The following GNB1L variants were observed in gnomAD, a reference collection of about 807,000 sequenced individuals.
The protein encoded by GNB1L is guanine nucleotide-binding protein subunit beta-like protein 1.
In GNB1L, 20 loss-of-function variants were observed where a neutral mutation model predicts 29.1. The ratio of observed to expected loss-of-function variants is 0.69; its 90% CI spans 0.48 to 1.00. The LOEUF is 1.00. Among genes scored for constraint, GNB1L ranks in the 50% least tolerant of loss-of-function variants. The pLI is 0.00. For synonymous variants in GNB1L, 193 were observed against 206.5 expected (o/e 0.93, Z 0.56); for missense variants, 421 against 464.9 (o/e 0.91, Z 0.87).
At chr22:19,829,260 G>A (rs1256095903) in intron 2 of GNB1L, among the ~76,000 whole-genome samples, 4 of 152,180 alleles carry the variant, frequency 2.6e-5, no homozygotes, top group Non-Finnish European at 5.9e-5. Context: ...TCATAACAGA[G>A]CCTACCTCTT....
In GNB1L at chr22:19,807,331, G is replaced by A. The variant is rs148789559; in HGVS notation, c.418-574C>T. 1.3e-3 allele frequency among the ~76,000 whole-genome samples: 197 copies of A among 151,510 alleles called. 1 individual carries two copies. The highest frequency in any genetic ancestry group is 4.5e-3 in the African/African-American group (187 of 41,250). On this transcript the variant is annotated intron_variant, in intron 5 of 7. Coordinates refer to ENST00000329517, the MANE Select transcript of GNB1L (RefSeq NM_053004.3). ...ATGCCGGCTTGTGGGGTGTAGGCTC[G>A]CTGGTCACACATCTCCTGAACAGCC...
intron 4 of GNB1L, among the ~76,000 whole-genome samples, chr22:19,813,881 G>A (rs1601331989): frequency 6.6e-6 from 1 of 151,916 alleles, no homozygotes; most frequent in Non-Finnish European, 1.5e-5. Context: ...CTGTAGTCCC[G>A]GCTACTCAGG....
Position 19,802,214 on chromosome 22 carries a change from G to T in GNB1L, c.519C>A (p.Ala173=). 1 of 1,612,090 alleles carries T rather than the reference G, an allele frequency of 6.2e-7. No homozygotes were observed. Among genetic ancestry groups the T allele is most frequent in the South Asian group, 1.1e-5 (1 of 91,082 alleles). ...GAAGGAGTGGGCGGGAGCTGCAGTC[G>T]GCCTGCGGGGAACAGCAGAGCAGTC... The part of the protein sequence containing the change: ...GMPMCLRLWQ[A]DCSSRPLLLA... Residue 173 remains alanine (A), a splice_region_variant and synonymous_variant, in exon 7 of 8, where the codon GCC becomes GCA. Transcript: ENST00000329517.
At chr22:19,822,975 A>G (rs1052104379) in intron 2 of GNB1L, among the ~76,000 whole-genome samples, 7 of 152,086 alleles carry the variant, frequency 4.6e-5, no homozygotes, top group Non-Finnish European at 1.0e-4. Context: ...TGTCCTGCAG[A>G]GTGGAGGGTG....
At chr22:19,835,035 A>G (rs944478272) in intron 2 of GNB1L, among the ~76,000 whole-genome samples, 3 of 152,242 alleles carry the variant, frequency 2.0e-5, no homozygotes, top group Non-Finnish European at 2.9e-5. Flanking sequence ...AGAAGATACA[A>G]TGATAAATGG....
rs766627090 is a variant in GNB1L, at chr22:19,788,611, C to T, written c.*98G>A. On this transcript the variant is annotated 3_prime_UTR_variant, in exon 8 of 8. Coordinates refer to ENST00000329517, the MANE Select transcript of GNB1L (RefSeq NM_053004.3). ...TCCATGGTCCTTGGGCCATGACTTG[C>T]TGGTCCTCAGAGGCCCTTGAGGTTT... 3.4e-6 allele frequency: 5 copies of T among 1,451,958 alleles called. No homozygotes were observed. The highest frequency in any genetic ancestry group is 4.8e-6 in the Non-Finnish European group (5 of 1,033,342). 89.9% of individuals were successfully genotyped at this position (1,451,958 alleles called of 1,614,324 possible). A position where few individuals can be genotyped will look rare whatever the true frequency, so the allele number is the denominator to read the frequency against.
intron 2 of GNB1L, chr22:19,847,940 G>A (rs546789419): frequency 2.0e-6 from 2 of 985,012 alleles, no homozygotes; most frequent in Non-Finnish European, 2.4e-6. Flanking sequence ...TTTCCAGAGG[G>A]CCAACTGCTT....
chr22:19,806,253 A>AAAGCGGGGGCCGTGCAGGC (rs1937432615), intron 6 of GNB1L, among the ~76,000 whole-genome samples: 1 of 152,250 alleles, frequency 6.6e-6, no homozygotes, highest in Admixed American at 6.5e-5. Context: ...AATCCTAAGC[A>AAAGCGGGGGCCGTGCAGGC]AAGCGGGGGC....
chr22:19,812,330 G>C lies in GNB1L; in HGVS notation c.372C>G (p.Gly124=), dbSNP rs757679583. 3.1e-6 allele frequency: 5 copies of C among 1,612,906 alleles called. No individual in the cohort carries two copies. Among genetic ancestry groups the C allele is most frequent in the Non-Finnish European group, 8.5e-7 (1 of 1,179,920 alleles). The part of the protein sequence containing the change: ...GFCRSSILAG[G]QPRWTLAVPG... ...GCACGGCAAGCGTCCAGCGTGGCTG[G>C]CCCCCGGCCAGGATGCTGCTCCGGC... Residue 124 remains glycine (G), a synonymous_variant, in exon 5 of 8, where the codon GGC becomes GGG. Transcript: ENST00000329517.
chr22:19,842,364 T>C (rs1296844357), intron 2 of GNB1L, among the ~76,000 whole-genome samples: 2 of 152,218 alleles, frequency 1.3e-5, no homozygotes, highest in Non-Finnish European at 2.9e-5. Flanking sequence ...ATCTCTGAAA[T>C]GCAGGGAGAT....
At chr22:19,805,299 G>A (rs1276079864) in intron 6 of GNB1L, among the ~76,000 whole-genome samples, 1 of 152,240 alleles carries the variant, frequency 6.6e-6, no homozygotes, top group Non-Finnish European at 1.5e-5. Context: ...GTCACGTGGA[G>A]AGAGAGAAAA....
rs185550106 is a variant in GNB1L, at chr22:19,817,509, A to G, written c.254+3089T>C. 3.8e-3 allele frequency among the ~76,000 whole-genome samples: 579 copies of G among 152,332 alleles called. 4 individuals are homozygous for G. The highest frequency in any genetic ancestry group is 0.013 in the African/African-American group (546 of 41,566). On this transcript the variant is annotated intron_variant, in intron 4 of 7. Coordinates refer to ENST00000329517, the MANE Select transcript of GNB1L (RefSeq NM_053004.3). Reference sequence around the variant, plus strand: ...AAAGAAAAAAAAACGTAAGAAAAAGAAAACAGCGACAGCTGACTGCAGCTA... The same window carrying G: ...AAAGAAAAAAAAACGTAAGAAAAAGGAAACAGCGACAGCTGACTGCAGCTA...
At chr22:19,847,315 T>C in intron 2 of GNB1L, 1 of 985,400 alleles carries the variant, frequency 1.0e-6, no homozygotes, top group African/African-American at 1.7e-5. Flanking sequence ...ATCTGGCTCA[T>C]GCTGACTGAT....
At chr22:19,852,378 C>T in intron 2 of GNB1L, 1 of 1,112,598 alleles carries the variant, frequency 9.0e-7, no homozygotes, top group Non-Finnish European at 1.3e-6. Flanking sequence ...CGTGGCAGAC[C>T]CGCACTGGTC....
intron 2 of GNB1L, among the ~76,000 whole-genome samples, chr22:19,827,435 G>A (rs1937628065): frequency 6.6e-6 from 1 of 152,170 alleles, no homozygotes; most frequent in Non-Finnish European, 1.5e-5. Context: ...GCATGCCAGA[G>A]GGGTGGAGAA....
At chr22:19,806,830 A>C (rs1370286633) in intron 5 of GNB1L, 73 bp from the exon 6 acceptor site, 1 of 1,086,644 alleles carries the variant, frequency 9.2e-7, no homozygotes, top group African/African-American at 1.5e-5. Flanking sequence ...AGAGACTCTT[A>C]AGGCGATTAG....
intron 2 of GNB1L, chr22:19,851,513 G>A: frequency 6.2e-7 from 1 of 1,614,150 alleles, no homozygotes; most frequent in Non-Finnish European, 8.5e-7. Flanking sequence ...AGCACTTCTA[G>A]ATACAGAGTT....
intron 2 of GNB1L, among the ~76,000 whole-genome samples, chr22:19,840,053 GAT>G (rs1038796559): frequency 7.3e-6 from 1 of 137,170 alleles, no homozygotes; most frequent in Non-Finnish European, 1.6e-5. Context: ...AACACAGCAA[GAT>G]CTTGCCTCAA....
intron 2 of GNB1L, among the ~76,000 whole-genome samples, chr22:19,834,735 CAAT>C (rs1427791798): frequency 6.7e-6 from 1 of 150,252 alleles, no homozygotes; most frequent in African/African-American, 2.5e-5. Flanking sequence ...AAAATCAAAA[CAAT>C]GTTTTAAAAT....
Sources: gnomAD v4.1 joint callset for allele counts (sites outside exome capture counted in the v4.1 genomes callset) on GRCh38, gnomAD v4.1.1 for gene constraint, MANE v1.5 for transcripts, NCBI Gene and HGNC (gene_info 2026-07-23, HGNC 2026-07-21) for gene names.